Variants in SLC39A10 observed in about 807,000 individuals in gnomAD.
SLC39A10 encodes the protein solute carrier family 39 member 10.
Under a neutral mutation model 65.1 loss-of-function variants are expected in SLC39A10, and 13 were observed. The observed-to-expected ratio is 0.20, with a 90% CI of 0.13 to 0.32. The LOEUF (loss-of-function observed/expected upper bound fraction) is 0.32. SLC39A10 is among the 10% of genes least tolerant of loss of function. The pLI is 1.00. For synonymous variants in SLC39A10, 321 were observed against 342.2 expected, an observed-to-expected ratio of 0.94 and a Z score of 0.68; for missense variants, 831 against 1,018.4, an observed-to-expected ratio of 0.82 and a Z score of 2.50.
At chr2:195,692,509 C>T (rs1265151285) in intron 3 of SLC39A10, among the ~76,000 whole-genome samples, 1 of 152,128 alleles carries the variant, frequency 6.6e-6, no homozygotes, top group African/African-American at 2.4e-5. Flanking sequence ...TTTGTGTCAT[C>T]TATGATGTCT....
At chr2:195,694,565 C>A (rs879749796) in intron 3 of SLC39A10, among the ~76,000 whole-genome samples, 11 of 152,130 alleles carry the variant, frequency 7.2e-5, no homozygotes, top group African/African-American at 2.7e-4. Flanking sequence ...CAGGCTGGTA[C>A]TAGGGAGTGT....
chr2:195,618,947 G>C (rs1284643774), intron 2 of SLC39A10, among the ~76,000 whole-genome samples: 4 of 151,974 alleles, frequency 2.6e-5, no homozygotes, highest in Non-Finnish European at 5.9e-5. Context: ...ACCAAAATTA[G>C]CCTGGCATGA....
intron 2 of SLC39A10, among the ~76,000 whole-genome samples, chr2:195,647,327 C>T (rs982672394): frequency 2.0e-5 from 3 of 151,960 alleles, no homozygotes; most frequent in African/African-American, 7.2e-5. Flanking sequence ...CTTCAATGGC[C>T]CTTGTTGCCC....
chr2:195,698,273 A>T (rs1481356443), intron 3 of SLC39A10, among the ~76,000 whole-genome samples: 1 of 152,106 alleles, frequency 6.6e-6, no homozygotes, highest in East Asian at 1.9e-4. Context: ...GTGCAAACAG[A>T]TGTAATTTTA....
At chr2:195,674,512 G>C in intron 1 of SLC39A10, 1 of 850,446 alleles carries the variant, frequency 1.2e-6, no homozygotes, top group Non-Finnish European at 1.4e-6. Context: ...CCTGACCTCA[G>C]GTGATCCACC....
chr2:195,673,959 G>C (rs543714177), intron 1 of SLC39A10, among the ~76,000 whole-genome samples: 1 of 152,224 alleles, frequency 6.6e-6, no homozygotes, highest in Non-Finnish European at 1.5e-5. Flanking sequence ...TCTATCAGCT[G>C]ATTTCCCTCC....
chr2:195,720,056 C>A (rs551411875), intron 8 of SLC39A10, among the ~76,000 whole-genome samples: 1 of 152,126 alleles, frequency 6.6e-6, no homozygotes, highest in East Asian at 1.9e-4. Flanking sequence ...TCCCAAAGTC[C>A]TGGGATTACA....
chr2:195,696,683 C>A (rs1381168534), intron 3 of SLC39A10, among the ~76,000 whole-genome samples: 1 of 151,974 alleles, frequency 6.6e-6, no homozygotes, highest in Non-Finnish European at 1.5e-5. Flanking sequence ...CTACTAGTAG[C>A]CTACTGTTGA....
At chr2:195,720,821 T>C (rs886393336) in intron 8 of SLC39A10, among the ~76,000 whole-genome samples, 7 of 152,366 alleles carry the variant, frequency 4.6e-5, no homozygotes, top group African/African-American at 1.7e-4. Flanking sequence ...ATAGTCTTTA[T>C]ATCTCTGGTT....
intron 3 of SLC39A10, among the ~76,000 whole-genome samples, chr2:195,695,007 T>C (rs991832555): frequency 3.3e-5 from 5 of 152,030 alleles, no homozygotes; most frequent in African/African-American, 9.7e-5. Flanking sequence ...CTAAAGTGCT[T>C]CTCGCTTCGC....
intron 3 of SLC39A10, among the ~76,000 whole-genome samples, chr2:195,693,027 A>T (rs1476439789): frequency 1.3e-5 from 2 of 152,138 alleles, no homozygotes; most frequent in East Asian, 3.8e-4. Context: ...GAGGGTTTTA[A>T]TCATAAAGGA....
intron 8 of SLC39A10, among the ~76,000 whole-genome samples, chr2:195,721,314 T>TA (rs1253072455): frequency 1.3e-5 from 2 of 152,206 alleles, no homozygotes; most frequent in Non-Finnish European, 2.9e-5. Context: ...TACATCCTGT[T>TA]ACATGTTTTT....
At chr2:195,703,658 A>G (rs1691283730) in intron 3 of SLC39A10, among the ~76,000 whole-genome samples, 1 of 152,156 alleles carries the variant, frequency 6.6e-6, no homozygotes, top group Non-Finnish European at 1.5e-5. Flanking sequence ...ATTCCACAAA[A>G]GAACTCTTTT....
chr2:195,693,890 C>T (rs187605554), intron 3 of SLC39A10, among the ~76,000 whole-genome samples: 248 of 152,122 alleles, frequency 1.6e-3, no homozygotes, highest in African/African-American at 5.6e-3. Context: ...GAGGTGTGAC[C>T]TTGGATTGTC....
At chr2:195,668,029 G>T (rs1271974790) in intron 1 of SLC39A10, among the ~76,000 whole-genome samples, 1 of 152,166 alleles carries the variant, frequency 6.6e-6, no homozygotes, top group East Asian at 1.9e-4. Flanking sequence ...TAAGGGACTT[G>T]CTCAAGGACT....
At chr2:195,715,010 C>T (rs1427396322) in intron 6 of SLC39A10, among the ~76,000 whole-genome samples, 2 of 152,034 alleles carry the variant, frequency 1.3e-5, no homozygotes, top group African/African-American at 4.8e-5. Flanking sequence ...CCTCAGCCTC[C>T]CAAAGTGCTG....
At chr2:195,665,543 A>G (rs1467672119) in intron 1 of SLC39A10, among the ~76,000 whole-genome samples, 1 of 152,206 alleles carries the variant, frequency 6.6e-6, no homozygotes, top group Admixed American at 6.5e-5. Context: ...TTTCTTCCAC[A>G]TGTGACATTA....
chr2:195,618,353 C>CACAAAAAAA (rs372892112), intron 2 of SLC39A10, among the ~76,000 whole-genome samples: 1 of 103,978 alleles, frequency 9.6e-6, no homozygotes, highest in African/African-American at 3.6e-5. Context: ...TCCGTCTCAC[C>CACAAAAAAA]AAAAAAAAAA....
rs560775812 is a variant in SLC39A10 at position 195,697,559 on chromosome 2, A to G, written c.1217-9057A>G. On this transcript the variant is annotated intron_variant, in intron 3 of 9. Transcript: ENST00000359634. ...GTATTAAGCCTAGTGCCCATTAGTT[A>G]TTTTTCCTGATGCTGTCCCTCCCCA... Among the ~76,000 whole-genome samples, 7 of 151,870 alleles carry G rather than the reference A, an allele frequency of 4.6e-5. No individual in the cohort carries two copies. The South Asian group carries it at 1.5e-3, about 32-fold the overall frequency.
Sources: gnomAD v4.1 joint callset for allele counts (sites outside exome capture counted in the v4.1 genomes callset) on GRCh38, gnomAD v4.1.1 for gene constraint, MANE v1.5 for transcripts, NCBI Gene and HGNC (gene_info 2026-07-23, HGNC 2026-07-21) for gene names.